Variants in TC2N observed in about 807,000 individuals in gnomAD.
TC2N encodes tandem C2 domains nuclear protein.
TC2N carries 51 observed loss-of-function variants against 61.9 expected under a neutral mutation model. The ratio of observed to expected loss-of-function variants is 0.82; its 90% CI spans 0.66 to 1.04. The LOEUF is 1.04. Ranked by LOEUF, TC2N falls within the 50% of genes least tolerant of loss-of-function variation. The pLI is 0.00. For missense variants in TC2N, 556 were observed against 566.7 expected, an observed-to-expected ratio of 0.98 and a Z score of 0.19; for synonymous variants, 204 against 192.6, an observed-to-expected ratio of 1.06 and a Z score of -0.49.
chr14:91,858,290 C>T (rs949922260), intron 1 of TC2N, among the ~76,000 whole-genome samples: 59 of 151,824 alleles, frequency 3.9e-4, no homozygotes, highest in African/African-American at 1.3e-3. Flanking sequence ...TCACTCCCAG[C>T]CAAGAATATT....
At chr14:91,822,413 A>G (rs1455848840) in intron 1 of TC2N, among the ~76,000 whole-genome samples, 1 of 152,178 alleles carries the variant, frequency 6.6e-6, no homozygotes, top group African/African-American at 2.4e-5. Context: ...TGCCATACAG[A>G]TATGTGCCAT....
chr14:91,793,606 G>C (rs1371158035), intron 8 of TC2N, among the ~76,000 whole-genome samples: 1 of 152,062 alleles, frequency 6.6e-6, no homozygotes, highest in African/African-American at 2.4e-5. Flanking sequence ...GGTGACCTGT[G>C]ATCAGTGATC....
intron 1 of TC2N, among the ~76,000 whole-genome samples, chr14:91,865,390 T>TA (rs68047756): frequency 2.2e-5 from 3 of 135,094 alleles, no homozygotes; most frequent in Admixed American, 7.5e-5. Context: ...TTTTTTTTTT[T>TA]AAAAAAACAT....
chr14:91,825,827 C>G (rs1046607896), intron 1 of TC2N, among the ~76,000 whole-genome samples: 1 of 152,070 alleles, frequency 6.6e-6, no homozygotes, highest in Non-Finnish European at 1.5e-5. Context: ...TTTTGTTTTT[C>G]TTTAATTTAG....
intron 8 of TC2N, among the ~76,000 whole-genome samples, chr14:91,796,558 T>G (rs1417892966): frequency 7.9e-6 from 1 of 127,122 alleles, no homozygotes; most frequent in Non-Finnish European, 1.6e-5. Flanking sequence ...AATACTGACA[T>G]AGGGTGGACC....
chr14:91,843,855 G>T (rs1174843068), intron 1 of TC2N, among the ~76,000 whole-genome samples: 1 of 151,808 alleles, frequency 6.6e-6, no homozygotes, highest in Non-Finnish European at 1.5e-5. Flanking sequence ...GAAGTGGAGG[G>T]AGGGGCTCAA....
At chr14:91,814,271 G>C (rs1268238576) in intron 1 of TC2N, among the ~76,000 whole-genome samples, 2 of 150,812 alleles carry the variant, frequency 1.3e-5, no homozygotes, top group Middle Eastern at 3.2e-3. Flanking sequence ...ACTAGGACAT[G>C]TGCTGATAAA....
intron 8 of TC2N, among the ~76,000 whole-genome samples, chr14:91,793,952 T>C (rs1011175915): frequency 6.6e-6 from 1 of 152,146 alleles, no homozygotes; most frequent in Admixed American, 6.6e-5. Context: ...TTAGTCAAGT[T>C]GTGAATGCAA....
intron 1 of TC2N, among the ~76,000 whole-genome samples, chr14:91,828,279 T>G (rs965947569): frequency 2.6e-5 from 4 of 152,126 alleles, no homozygotes; most frequent in Non-Finnish European, 4.4e-5. Context: ...CTAGCTTTAA[T>G]TATTATCAAC....
chr14:91,808,790 A>T (rs1465786391), intron 3 of TC2N, among the ~76,000 whole-genome samples: 1 of 152,226 alleles, frequency 6.6e-6, no homozygotes, highest in African/African-American at 2.4e-5. Flanking sequence ...TCTGATTATG[A>T]AAATAATAGA....
chr14:91,808,587 T>G (rs1595242655), intron 3 of TC2N, among the ~76,000 whole-genome samples: 1 of 152,320 alleles, frequency 6.6e-6, no homozygotes, highest in East Asian at 1.9e-4. Context: ...CTTTCTTGAC[T>G]CTAATAAAAG....
intron 6 of TC2N, 132 bp downstream of exon 6, chr14:91,798,857 T>C (rs1465896428): frequency 3.5e-5 from 21 of 601,208 alleles, no homozygotes; most frequent in Non-Finnish European, 5.9e-5. Flanking sequence ...TAGTTTTATT[T>C]AGACTTAATT....
chr14:91,849,570 T>A (rs1888333783), intron 1 of TC2N, among the ~76,000 whole-genome samples: 1 of 152,242 alleles, frequency 6.6e-6, no homozygotes, highest in Non-Finnish European at 1.5e-5. Flanking sequence ...ATATTTTGCC[T>A]AAGTTAATAC....
chr14:91,848,757 T>C (rs929885026), intron 1 of TC2N, among the ~76,000 whole-genome samples: 3 of 152,194 alleles, frequency 2.0e-5, no homozygotes, highest in Non-Finnish European at 4.4e-5. Context: ...CTCCAGGAGT[T>C]TCTGTACTCT....
chr14:91,803,297 G>A (rs1474735479), intron 3 of TC2N, among the ~76,000 whole-genome samples: 2 of 151,650 alleles, frequency 1.3e-5, no homozygotes, highest in Non-Finnish European at 2.9e-5. Flanking sequence ...CAGGTTAACT[G>A]ATAAGAAAGT....
At chr14:91,830,665 C>T (rs910256170) in intron 1 of TC2N, among the ~76,000 whole-genome samples, 1 of 142,172 alleles carries the variant, frequency 7.0e-6, no homozygotes, top group South Asian at 2.2e-4. Flanking sequence ...CAAAAAAAAA[C>T]CCCACTGAAT....
intron 1 of TC2N, among the ~76,000 whole-genome samples, chr14:91,854,757 T>C (rs987807416): frequency 6.6e-6 from 1 of 151,962 alleles, no homozygotes; most frequent in African/African-American, 2.4e-5. Flanking sequence ...GACAGGTCCC[T>C]CTCCACTTCC....
intron 1 of TC2N, among the ~76,000 whole-genome samples, chr14:91,824,261 ACT>A (rs1223394293): frequency 6.6e-6 from 1 of 152,178 alleles, no homozygotes; most frequent in East Asian, 1.9e-4. Flanking sequence ...GGCCTCCATG[ACT>A]CTGCTCCAAT....
At chr14:91,858,627 G>A (rs1162788262) in intron 1 of TC2N, among the ~76,000 whole-genome samples, 1 of 152,184 alleles carries the variant, frequency 6.6e-6, no homozygotes, top group Non-Finnish European at 1.5e-5. Context: ...TCAGGATGCA[G>A]AGATAGCTTG....
Sources: gnomAD v4.1 joint callset for allele counts (sites outside exome capture counted in the v4.1 genomes callset) on GRCh38, gnomAD v4.1.1 for gene constraint, MANE v1.5 for transcripts, NCBI Gene and HGNC (gene_info 2026-07-23, HGNC 2026-07-21) for gene names.